ETS1: variants seen among roughly 807,000 people sequenced by gnomAD.
ETS1 encodes ETS proto-oncogene 1, transcription factor.
In ETS1, 15 loss-of-function variants were observed where a neutral mutation model predicts 58.6. That is an observed-to-expected ratio of 0.26 (90% CI 0.17 to 0.39). ETS1 has a LOEUF of 0.39. Among genes scored for constraint, ETS1 ranks in the 10% least tolerant of loss-of-function variants. The pLI is 1.00. For missense variants in ETS1, 417 were observed against 610.5 expected, an observed-to-expected ratio of 0.68 and a Z score of 3.34; for synonymous variants, 214 against 218.2, an observed-to-expected ratio of 0.98 and a Z score of 0.17.
At chr11:128,503,942 A>ACT in intron 3 of ETS1, among the ~76,000 whole-genome samples, 1 of 152,154 alleles carries the variant, frequency 6.6e-6, no homozygotes, top group East Asian at 1.9e-4. Flanking sequence ...AAACACACCA[A>ACT]AAACCGATGG....
At chr11:128,513,156 G>A (rs759447562) in intron 3 of ETS1, among the ~76,000 whole-genome samples, 1 of 152,214 alleles carries the variant, frequency 6.6e-6, no homozygotes, top group Non-Finnish European at 1.5e-5. Context: ...CTTTACCAAA[G>A]CACCCAAAAT....
intron 3 of ETS1, among the ~76,000 whole-genome samples, chr11:128,535,513 G>T (rs953311683): frequency 2.0e-5 from 3 of 152,084 alleles, no homozygotes; most frequent in Admixed American, 6.6e-5. Flanking sequence ...TGCCTGAATG[G>T]TATTGCCTAG....
intron 1 of ETS1, among the ~76,000 whole-genome samples, chr11:128,574,196 G>A: frequency 6.6e-6 from 1 of 152,062 alleles, no homozygotes; most frequent in East Asian, 1.9e-4. Context: ...ACTGCCTAAG[G>A]GCTACAACAA....
intron 2 of ETS1, among the ~76,000 whole-genome samples, chr11:128,556,971 A>G (rs1864322552): frequency 6.6e-6 from 1 of 152,158 alleles, no homozygotes; most frequent in African/African-American, 2.4e-5. Flanking sequence ...CATTTGCCCC[A>G]ATTTTCGAAG....
chr11:128,469,063 A>G (rs917927015), intron 8 of ETS1, among the ~76,000 whole-genome samples: 6 of 152,226 alleles, frequency 3.9e-5, no homozygotes, highest in Admixed American at 3.9e-4. Context: ...GCTTCTCTCT[A>G]TTAAACAATA....
At chr11:128,516,703 T>A (rs769627941) in intron 3 of ETS1, among the ~76,000 whole-genome samples, 14 of 152,142 alleles carry the variant, frequency 9.2e-5, no homozygotes, top group Admixed American at 2.0e-4. Context: ...CCCTGACACA[T>A]GGAATGGACT....
intron 8 of ETS1, among the ~76,000 whole-genome samples, chr11:128,469,689 G>A (rs983320236): frequency 2.0e-5 from 3 of 152,188 alleles, no homozygotes; most frequent in Non-Finnish European, 4.4e-5. Flanking sequence ...GTTGCCTGAG[G>A]ATGAATAACT....
rs771254114 is a variant in ETS1 at position 128,573,073 on chromosome 11, G to A, written c.58C>T (p.Pro20Ser). The stretch of plus-strand genomic sequence containing the variant: ...GGGCCACCACTCACCACCACTGCAG[G>A]ACGAGGCGCTGAGTAAGGGACGGGG... ...SSPVPYSAPR[P>S]AVVRQGPSNT... Residue 20 changes from proline to serine, a missense_variant, in exon 2 of 10, where the codon CCT becomes TCT. This residue lies in a region of ETS1 where 90 missense variants were observed against 90.3 expected (regional missense o/e 1.00). Transcript: ENST00000392668. The A allele has an allele frequency of 6.2e-7, 1 of 1,604,934 alleles. No homozygotes were observed. Among genetic ancestry groups the A allele is most frequent in the South Asian group, 1.1e-5 (1 of 88,728 alleles).
At chr11:128,525,453 A>T (rs1158857122) in intron 3 of ETS1, among the ~76,000 whole-genome samples, 2 of 152,144 alleles carry the variant, frequency 1.3e-5, no homozygotes, top group Non-Finnish European at 2.9e-5. Context: ...CTAGCATGTT[A>T]TCTACTCCTG....
chr11:128,535,143 C>G (rs999785376), intron 3 of ETS1, among the ~76,000 whole-genome samples: 1 of 152,286 alleles, frequency 6.6e-6, no homozygotes, highest in South Asian at 2.1e-4. Context: ...GATGGTATCT[C>G]ATTGTGGTTT....
rs1565363903 is a variant in ETS1 at position 128,464,866 on chromosome 11, C to G, written c.1124-1239G>C. On this transcript the variant is annotated intron_variant, in intron 8 of 9. Coordinates refer to ENST00000392668, the MANE Select transcript of ETS1 (RefSeq NM_001143820.2). The surrounding 1 kb of genome is among the most constrained non-coding windows in gnomAD (Gnocchi z 4.1). ...TTCTACAAGACATTTTCACATGCAT[C>G]GTTGTGCTTGCTCCTAAAATCCACA... Among the ~76,000 whole-genome samples the G allele has an allele frequency of 6.6e-6, 1 of 152,168 alleles. No individual in the cohort carries two copies.
chr11:128,480,935 A>G (rs1212976658), intron 7 of ETS1, among the ~76,000 whole-genome samples: 4 of 152,226 alleles, frequency 2.6e-5, no homozygotes, highest in South Asian at 2.1e-4. Context: ...CATTTTGGTC[A>G]TAAGAAAAAA....
At chr11:128,563,150 C>A (rs1290032142) in intron 2 of ETS1, among the ~76,000 whole-genome samples, 1 of 152,104 alleles carries the variant, frequency 6.6e-6, no homozygotes, top group Non-Finnish European at 1.5e-5. Flanking sequence ...TTACTTGGAG[C>A]CTAAACTCCA....
chr11:128,562,018 G>A (rs918138082), intron 2 of ETS1, among the ~76,000 whole-genome samples: 21 of 152,336 alleles, frequency 1.4e-4, no homozygotes, highest in African/African-American at 3.8e-4. Flanking sequence ...GGTTGAAGAC[G>A]TAGGAGGAAA....
chr11:128,489,436 T>C lies in ETS1; in HGVS notation c.389A>G (p.Asn130Ser), dbSNP rs777560393. The change falls in exon 5 of 10, where the codon AAT (asparagine) becomes AGT (serine). Residue 130 changes from asparagine to serine, a missense_variant. Transcript: ENST00000392668. Reference protein sequence around the residue: ...HVRDWVMWAVNEFSLKGVDFQ... With the variant: ...HVRDWVMWAVSEFSLKGVDFQ... ...GTCTACACCTTTCAGGCTGAATTCA[T>C]TCACAGCCCACATCACCCAGTCCCG... The C allele has an allele frequency of 6.8e-6, 11 of 1,614,168 alleles. 1 individual carries two copies. In the South Asian group the frequency reaches 8.8e-5, roughly 13 times the overall value.
At chr11:128,569,399 A>G (rs1167945082) in intron 2 of ETS1, among the ~76,000 whole-genome samples, 1 of 128,244 alleles carries the variant, frequency 7.8e-6, no homozygotes, top group Non-Finnish European at 1.5e-5. Flanking sequence ...GACTTGGATT[A>G]TTGGATTAAG....
chr11:128,522,760 A>G (rs932378736), intron 3 of ETS1, among the ~76,000 whole-genome samples: 1 of 152,210 alleles, frequency 6.6e-6, no homozygotes, highest in Non-Finnish European at 1.5e-5. Flanking sequence ...CGTGTACATC[A>G]TTCATTCACA....
chr11:128,514,909 T>C (rs1863482219), intron 3 of ETS1, among the ~76,000 whole-genome samples: 2 of 152,192 alleles, frequency 1.3e-5, no homozygotes, highest in Non-Finnish European at 2.9e-5. Context: ...TCATCTTTAG[T>C]TTTACAATTT....
intron 3 of ETS1, chr11:128,521,967 T>C (rs1365739223): frequency 2.5e-6 from 4 of 1,601,876 alleles, no homozygotes; most frequent in Non-Finnish European, 3.4e-6. Context: ...ATGGTGAGAG[T>C]CGGCTTGAGA....
Sources: gnomAD v4.1 joint callset for allele counts (sites outside exome capture counted in the v4.1 genomes callset) on GRCh38, gnomAD v4.1.1 for gene constraint, gnomAD v4.1.1 regional missense constraint, Gnocchi (gnomAD v3.1) non-coding constraint, MANE v1.5 for transcripts, NCBI Gene and HGNC (gene_info 2026-07-23, HGNC 2026-07-21) for gene names.